Variants in CNTNAP2 observed in about 807,000 individuals in gnomAD.
CNTNAP2 encodes the protein contactin associated protein 2, also known as contactin-associated protein-like 2.
In CNTNAP2, 98 loss-of-function variants were observed where a neutral mutation model predicts 155.2. The observed-to-expected ratio is 0.63, with a 90% CI of 0.54 to 0.75. The LOEUF is 0.75. Ranked by LOEUF, CNTNAP2 falls within the 30% of genes least tolerant of loss-of-function variation. CNTNAP2 has a pLI of 0.00. For synonymous variants in CNTNAP2, 651 were observed against 631.2 expected (o/e 1.03, Z -0.47); for missense variants, 1,727 against 1,688.1 (o/e 1.02, Z -0.40).
At chr7:146,138,986 G>T (rs961379007) in intron 1 of CNTNAP2, among the ~76,000 whole-genome samples, 4 of 152,076 alleles carry the variant, frequency 2.6e-5, no homozygotes, top group African/African-American at 9.7e-5. Flanking sequence ...AAAATGCATT[G>T]AATACAGCTA....
At chr7:146,968,561 T>G (rs531673721) in intron 3 of CNTNAP2, among the ~76,000 whole-genome samples, 12 of 152,198 alleles carry the variant, frequency 7.9e-5, no homozygotes, top group South Asian at 6.2e-4. Context: ...GTCGAGGAAT[T>G]TATCCATTTC....
intron 1 of CNTNAP2, among the ~76,000 whole-genome samples, chr7:146,241,585 G>A (rs1799563312): frequency 6.7e-6 from 1 of 149,066 alleles, no homozygotes; most frequent in African/African-American, 2.6e-5. Flanking sequence ...ATTGCATGAA[G>A]ATGCCTAAGT....
intron 8 of CNTNAP2, among the ~76,000 whole-genome samples, chr7:147,261,249 C>G (rs1388659868): frequency 6.6e-6 from 1 of 152,092 alleles, no homozygotes; most frequent in East Asian, 1.9e-4. Context: ...GGATTGAAAT[C>G]CAGGCACCGC....
At chr7:146,146,497 G>A (rs1797960107) in intron 1 of CNTNAP2, among the ~76,000 whole-genome samples, 1 of 151,946 alleles carries the variant, frequency 6.6e-6, no homozygotes, top group Non-Finnish European at 1.5e-5. Context: ...TTCTTGTCAA[G>A]ATTTGCCACA....
intron 9 of CNTNAP2, among the ~76,000 whole-genome samples, chr7:147,308,175 G>A (rs1795065038): frequency 6.6e-6 from 1 of 152,204 alleles, no homozygotes; most frequent in Non-Finnish European, 1.5e-5. Context: ...ACTCTTGGTA[G>A]AGGGGAAAGC....
At chr7:146,973,880 GC>G (rs1797854889) in intron 3 of CNTNAP2, among the ~76,000 whole-genome samples, 1 of 151,922 alleles carries the variant, frequency 6.6e-6, no homozygotes, top group African/African-American at 2.4e-5. Flanking sequence ...TCTTCCCTTT[GC>G]CACAATGATG....
chr7:146,741,900 T>G (rs1185237947), intron 1 of CNTNAP2, among the ~76,000 whole-genome samples: 2 of 151,910 alleles, frequency 1.3e-5, no homozygotes, highest in African/African-American at 4.8e-5. Flanking sequence ...TATAAAAAAT[T>G]GGAAGGAAAA....
At chr7:148,033,386 T>C (rs925264123) in intron 15 of CNTNAP2, among the ~76,000 whole-genome samples, 1 of 151,876 alleles carries the variant, frequency 6.6e-6, no homozygotes, top group Non-Finnish European at 1.5e-5. Context: ...GGGATACATG[T>C]TCAGAACGTG....
chr7:146,155,346 A>G (rs1332191176), intron 1 of CNTNAP2, among the ~76,000 whole-genome samples: 1 of 152,204 alleles, frequency 6.6e-6, no homozygotes, highest in Non-Finnish European at 1.5e-5. Flanking sequence ...TTCTCAAATT[A>G]AAGTGATATT....
At chr7:146,573,751 A>T (rs534973534) in intron 1 of CNTNAP2, among the ~76,000 whole-genome samples, 16 of 152,184 alleles carry the variant, frequency 1.1e-4, no homozygotes, top group African/African-American at 2.2e-4. Context: ...TTAGTGTCAA[A>T]TTTTTTGTGT....
At chr7:146,668,151 C>CA (rs1354989000) in intron 1 of CNTNAP2, among the ~76,000 whole-genome samples, 1 of 149,198 alleles carries the variant, frequency 6.7e-6, no homozygotes, top group Admixed American at 6.6e-5. Context: ...TTTCCTTCTA[C>CA]ACCTATTTTA....
chr7:146,560,208 G>A (rs923791801), intron 1 of CNTNAP2, among the ~76,000 whole-genome samples: 1 of 152,044 alleles, frequency 6.6e-6, no homozygotes, highest in African/African-American at 2.4e-5. Flanking sequence ...GTGCAGGCAG[G>A]TGGAAAGTGT....
chr7:146,842,727 C>G (rs1302760963), intron 3 of CNTNAP2, among the ~76,000 whole-genome samples: 1 of 152,068 alleles, frequency 6.6e-6, no homozygotes, highest in Non-Finnish European at 1.5e-5. Flanking sequence ...GCTCTTTCGC[C>G]CAGGCTGGAG....
At chr7:146,385,396 A>G (rs996961495) in intron 1 of CNTNAP2, among the ~76,000 whole-genome samples, 2 of 152,116 alleles carry the variant, frequency 1.3e-5, no homozygotes, top group Non-Finnish European at 2.9e-5. Flanking sequence ...AACTGAAAAA[A>G]CAAAACAAAA....
chr7:146,880,135 C>A (rs1265773179), intron 3 of CNTNAP2, among the ~76,000 whole-genome samples: 1 of 152,000 alleles, frequency 6.6e-6, no homozygotes, highest in Non-Finnish European at 1.5e-5. Flanking sequence ...GGTGGGGACA[C>A]AGCCAAATAT....
intron 1 of CNTNAP2, among the ~76,000 whole-genome samples, chr7:146,773,622 G>A (rs1226668468): frequency 6.6e-6 from 1 of 152,124 alleles, no homozygotes; most frequent in Non-Finnish European, 1.5e-5. Context: ...TTGAACTCCC[G>A]ACCTCAGGTG....
At position 147,065,119 on chromosome 7, in the gene CNTNAP2, AT is replaced by A. The variant is rs1447669617; in HGVS notation, c.550+21067del. ...TACTGTAATATAAAGCCCTGTCCAAATTCCAGCTCTTCCCTTATTAGCTATG... is the reference window on the plus strand; with the variant it reads ...TACTGTAATATAAAGCCCTGTCCAAATCCAGCTCTTCCCTTATTAGCTATG... On this transcript the variant is annotated intron_variant, in intron 4 of 23. Transcript: ENST00000361727. Among the ~76,000 whole-genome samples the A allele has an allele frequency of 3.9e-5, 6 of 152,302 alleles. No individual in the cohort carries two copies. In the East Asian group the frequency reaches 1.2e-3, roughly 29 times the overall value.
At chr7:147,511,942 A>G (rs896835001) in intron 11 of CNTNAP2, among the ~76,000 whole-genome samples, 1 of 152,188 alleles carries the variant, frequency 6.6e-6, no homozygotes, top group Admixed American at 6.5e-5. Context: ...AGCTGTTTGT[A>G]TATTTATTTG....
chr7:147,868,478 C>T (rs930251509), intron 13 of CNTNAP2, among the ~76,000 whole-genome samples: 1 of 152,206 alleles, frequency 6.6e-6, no homozygotes, highest in Admixed American at 6.5e-5. Context: ...AAACACTGTG[C>T]TGGGAGAACC....
Sources: allele counts gnomAD v4.1 joint callset (sites outside exome capture counted in the v4.1 genomes callset), GRCh38; gene constraint gnomAD v4.1.1; transcripts MANE v1.5; gene names NCBI Gene and HGNC (gene_info 2026-07-23, HGNC 2026-07-21).